Variants in KCNIP1 observed in about 807,000 individuals in gnomAD.
KCNIP1 encodes potassium voltage-gated channel interacting protein 1.
Under a neutral mutation model 33.0 loss-of-function variants are expected in KCNIP1, and 18 were observed. That is an observed-to-expected ratio of 0.55 (90% CI 0.38 to 0.81). KCNIP1 has a LOEUF of 0.81. KCNIP1 is among the 30% of genes least tolerant of loss of function. The pLI, the probability that KCNIP1 is intolerant of heterozygous loss-of-function variation, is 0.00. For synonymous variants in KCNIP1, 93 were observed against 98.3 expected (o/e 0.95, Z 0.32); for missense variants, 238 against 271.6 (o/e 0.88, Z 0.87).
intron 1 of KCNIP1, among the ~76,000 whole-genome samples, chr5:170,412,027 G>A (rs6885490): frequency 0.66 from 99,313 of 151,570 alleles, 32,562 homozygotes; most frequent in Middle Eastern, 0.73. Context: ...CTTAGCAGAG[G>A]GCCTGCCCAT....
chr5:170,670,326 T>A (rs1172384767), intron 1 of KCNIP1, among the ~76,000 whole-genome samples: 1 of 152,156 alleles, frequency 6.6e-6, no homozygotes, highest in Non-Finnish European at 1.5e-5. Flanking sequence ...GTAGATGACC[T>A]CCCATGGTCT....
intron 1 of KCNIP1, among the ~76,000 whole-genome samples, chr5:170,587,523 G>A (rs1215999962): frequency 2.6e-5 from 4 of 151,558 alleles, no homozygotes; most frequent in African/African-American, 9.7e-5. Flanking sequence ...AAATCAAGGT[G>A]TTGTAGTGCT....
Position 170,712,820 on chromosome 5 carries a change from C to A in KCNIP1, c.62-5938C>A, listed in dbSNP as rs375813907. The A allele has an allele frequency of 4.3e-6, 7 of 1,609,664 alleles. No individual in the cohort carries two copies. In the South Asian group the frequency reaches 7.7e-5, roughly 18 times the overall value. On this transcript the variant is annotated intron_variant, in intron 1 of 7. Coordinates refer to ENST00000328939, the MANE Select transcript of KCNIP1 (RefSeq NM_014592.4). ...AAGTGTGTTTTGCTTTTCGATGAATCGATTTGGTAAAATGTTTTCTCACTC... is the reference window on the plus strand; with the variant it reads ...AAGTGTGTTTTGCTTTTCGATGAATAGATTTGGTAAAATGTTTTCTCACTC...
At chr5:170,660,372 A>T (rs553524672) in intron 1 of KCNIP1, among the ~76,000 whole-genome samples, 272 of 66,554 alleles carry the variant, frequency 4.1e-3, no homozygotes, top group African/African-American at 0.027. Context: ...TGATTTTTAT[A>T]AAAAAAAAAA....
chr5:170,680,077 A>G (rs977527840), intron 1 of KCNIP1, among the ~76,000 whole-genome samples: 1 of 152,206 alleles, frequency 6.6e-6, no homozygotes, highest in African/African-American at 2.4e-5. Context: ...TATTCTCAAA[A>G]TCTGACACCA....
At chr5:170,577,074 G>C (rs2113505300) in intron 1 of KCNIP1, among the ~76,000 whole-genome samples, 1 of 152,312 alleles carries the variant, frequency 6.6e-6, no homozygotes, top group Non-Finnish European at 1.5e-5. Flanking sequence ...TTTCCCAAGA[G>C]GGTGACTGAC....
At chr5:170,634,635 C>T (rs1301061812) in intron 1 of KCNIP1, among the ~76,000 whole-genome samples, 1 of 152,150 alleles carries the variant, frequency 6.6e-6, no homozygotes, top group Non-Finnish European at 1.5e-5. Flanking sequence ...AAGAAAAGAG[C>T]ATTGAGTCCC....
At chr5:170,482,031 T>C (rs1756988934) in intron 1 of KCNIP1, among the ~76,000 whole-genome samples, 1 of 152,246 alleles carries the variant, frequency 6.6e-6, no homozygotes, top group Non-Finnish European at 1.5e-5. Flanking sequence ...TTCCCTCTGA[T>C]AAGATTAACA....
At chr5:170,642,758 T>C (rs772359794) in intron 1 of KCNIP1, among the ~76,000 whole-genome samples, 119 of 152,154 alleles carry the variant, frequency 7.8e-4, no homozygotes, top group Non-Finnish European at 1.4e-3. Context: ...CCTGGGAGAG[T>C]TGAATTCCAG....
rs1296823589 is a variant in KCNIP1 at position 170,657,895 on chromosome 5, A to G, written c.62-60863A>G. Among the ~76,000 whole-genome samples the G allele has an allele frequency of 2.0e-5, 3 of 152,172 alleles. No individual in the cohort carries two copies. In the East Asian group the frequency reaches 5.8e-4, roughly 29 times the overall value. ...CCAGGCATGTTGAGAAATGAATATAATACCCAGGCTATGGCCTCAAAACCT... is the reference window on the plus strand; with the variant it reads ...CCAGGCATGTTGAGAAATGAATATAGTACCCAGGCTATGGCCTCAAAACCT... On this transcript the variant is annotated intron_variant, in intron 1 of 7. Transcript: ENST00000328939.
intron 1 of KCNIP1, among the ~76,000 whole-genome samples, chr5:170,487,042 C>T (rs188294094): frequency 7.2e-5 from 11 of 152,144 alleles, no homozygotes; most frequent in Non-Finnish European, 1.3e-4. Flanking sequence ...CACACACAGA[C>T]ATATCTATAT....
At chr5:170,516,098 G>C (rs1217174684) in intron 1 of KCNIP1, among the ~76,000 whole-genome samples, 1 of 152,208 alleles carries the variant, frequency 6.6e-6, no homozygotes, top group East Asian at 1.9e-4. Context: ...AAGGAGCAGA[G>C]TCAGGCTGTC....
In KCNIP1 at chr5:170,465,781, G is replaced by A. The variant is rs556006679; in HGVS notation, c.88+111817G>A. Among the ~76,000 whole-genome samples, 22 of 152,312 alleles carry A rather than the reference G, an allele frequency of 1.4e-4. No individual in the cohort carries two copies. The East Asian group carries it at 4.2e-3, about 29-fold the overall frequency. ...AAATGGGAAGAAATTTGCTAGTTAA[G>A]CAGGTGTTGGGGGAAGGTCCTCAGA... is the stretch of plus-strand genomic sequence containing the variant. On this transcript the variant is annotated intron_variant, in intron 1 of 7. Coordinates refer to the KCNIP1 transcript ENST00000377360.
intron 1 of KCNIP1, among the ~76,000 whole-genome samples, chr5:170,356,186 T>G (rs1196127994): frequency 6.6e-6 from 1 of 152,252 alleles, no homozygotes; most frequent in Non-Finnish European, 1.5e-5. Context: ...TTATGATTGC[T>G]TAATGATTTC....
At chr5:170,448,672 A>T (rs1756175251) in intron 1 of KCNIP1, among the ~76,000 whole-genome samples, 2 of 152,212 alleles carry the variant, frequency 1.3e-5, no homozygotes, top group African/African-American at 4.8e-5. Flanking sequence ...GCAAACAAAT[A>T]ATAGTGTATG....
chr5:170,647,313 G>C (rs1230142412), intron 1 of KCNIP1, among the ~76,000 whole-genome samples: 1 of 152,100 alleles, frequency 6.6e-6, no homozygotes, highest in Non-Finnish European at 1.5e-5. Flanking sequence ...ACTCAGAATA[G>C]TCAATTTAAT....
At chr5:170,389,921 C>G (rs1174968358) in intron 1 of KCNIP1, among the ~76,000 whole-genome samples, 1 of 152,134 alleles carries the variant, frequency 6.6e-6, no homozygotes. Context: ...TTTTTAAAAC[C>G]TACTTTGCTT....
chr5:170,433,154 C>T (rs937578534), intron 1 of KCNIP1, among the ~76,000 whole-genome samples: 1 of 152,056 alleles, frequency 6.6e-6, no homozygotes, highest in Non-Finnish European at 1.5e-5. Context: ...ATCAGTAGAA[C>T]CCAGGTGCCG....
intron 1 of KCNIP1, among the ~76,000 whole-genome samples, chr5:170,579,618 A>G (rs1031576948): frequency 6.6e-5 from 10 of 152,208 alleles, no homozygotes; most frequent in African/African-American, 2.2e-4. Context: ...TCCCCATGTA[A>G]CAAACCTCCC....
Sources: gnomAD v4.1 joint callset for allele counts (sites outside exome capture counted in the v4.1 genomes callset) on GRCh38, gnomAD v4.1.1 for gene constraint, MANE v1.5 for transcripts, NCBI Gene and HGNC (gene_info 2026-07-23, HGNC 2026-07-21) for gene names.